Variants in PTK2B observed in about 807,000 individuals in gnomAD.
The protein encoded by PTK2B is protein-tyrosine kinase 2-beta.
Under a neutral mutation model 142.9 loss-of-function variants are expected in PTK2B, and 71 were observed. The observed-to-expected ratio is 0.50, with a 90% CI of 0.41 to 0.61. The LOEUF (loss-of-function observed/expected upper bound fraction) is 0.61. Among genes scored for constraint, PTK2B ranks in the 20% least tolerant of loss-of-function variants. PTK2B has a pLI of 0.00. For synonymous variants in PTK2B, 519 were observed against 503.4 expected, an observed-to-expected ratio of 1.03 and a Z score of -0.42; for missense variants, 1,105 against 1,320.4, an observed-to-expected ratio of 0.84 and a Z score of 2.53.
At chr8:27,451,111 C>A (rs759534400) in intron 26 of PTK2B, 33 bp downstream of exon 26, 1 of 1,604,334 alleles carries the variant, frequency 6.2e-7, no homozygotes, top group East Asian at 2.2e-5. Flanking sequence ...CTCCTCCATG[C>A]CAAGGCCTGG....
At chr8:27,322,776 A>G (rs914653425), upstream of PTK2B, 2 of 152,160 alleles carry the variant, frequency 1.3e-5, no homozygotes, top group Non-Finnish European at 2.9e-5. Context: ...ACTGGCTATC[A>G]TCCTAAATGA....
intron 2 of PTK2B, among the ~76,000 whole-genome samples, chr8:27,400,040 C>A (rs1353574244): frequency 6.6e-6 from 1 of 152,142 alleles, no homozygotes; most frequent in Admixed American, 6.5e-5. Flanking sequence ...CCTCTAATTG[C>A]CCAGAGAATA....
At chr8:27,419,398 G>A (rs567722723) in intron 2 of PTK2B, among the ~76,000 whole-genome samples, 1 of 152,162 alleles carries the variant, frequency 6.6e-6, no homozygotes, top group Admixed American at 6.5e-5. Context: ...TCCATTCCGT[G>A]GGTTGTGGGA....
intron 2 of PTK2B, among the ~76,000 whole-genome samples, chr8:27,408,710 C>G (rs1449956710): frequency 6.6e-6 from 1 of 152,206 alleles, no homozygotes; most frequent in African/African-American, 2.4e-5. Context: ...TTAAAATTCT[C>G]ATAACCGTAT....
At position 27,458,679 on chromosome 8, in the gene PTK2B, A is replaced by C; in HGVS notation, c.*170A>C. On this transcript the variant is annotated 3_prime_UTR_variant, in exon 31 of 31. Coordinates refer to ENST00000346049, the MANE Select transcript of PTK2B (RefSeq NM_173176.3). ...ACCCCTACCCCTGGCTGTACTGCTC[A>C]GGCTGCAGCTGGACAGAGGGGACTC... 1.5e-6 allele frequency: 1 copy of C among 668,296 alleles called. No individual in the cohort carries two copies. 41.4% of individuals were successfully genotyped at this position (668,296 alleles called of 1,614,324 possible).
intron 1 of PTK2B, among the ~76,000 whole-genome samples, chr8:27,370,059 T>C (rs559153819): frequency 6.6e-6 from 1 of 152,314 alleles, no homozygotes; most frequent in South Asian, 2.1e-4. Context: ...AGGTCTCCAT[T>C]GAAGATGTGT....
At chr8:27,341,275 G>A (rs750326643) in intron 1 of PTK2B, among the ~76,000 whole-genome samples, 12 of 152,186 alleles carry the variant, frequency 7.9e-5, no homozygotes, top group Admixed American at 1.3e-4. Context: ...AAGGAAAGGC[G>A]GGCCCCCGTC....
chr8:27,439,510 G>C, intron 20 of PTK2B, 112 bp downstream of exon 20: 1 of 1,210,240 alleles, frequency 8.3e-7, no homozygotes, highest in Non-Finnish European at 1.2e-6. Context: ...CCGTTCCCAG[G>C]GTTCTATTTT....
intron 1 of PTK2B, among the ~76,000 whole-genome samples, chr8:27,328,362 G>A (rs988853917): frequency 2.4e-4 from 37 of 152,232 alleles, no homozygotes; most frequent in Non-Finnish European, 8.8e-5. Context: ...TTATGAACTG[G>A]ATTTTGACTT....
At position 27,458,489 on chromosome 8, in the gene PTK2B, G is replaced by A. The variant is rs1375815512; in HGVS notation, c.3010G>A (p.Ala1004Thr). 8.2e-6 allele frequency: 13 copies of A among 1,581,402 alleles called. No individual in the cohort carries two copies. Among genetic ancestry groups the A allele is most frequent in the African/African-American group, 1.3e-5 (1 of 74,222 alleles). Residue 1004 changes from alanine (A) to threonine (T), a missense_variant, in exon 31 of 31, where the codon GCC (alanine) becomes ACC (threonine). Coordinates refer to ENST00000346049, the MANE Select transcript of PTK2B (RefSeq NM_173176.3). ...VDQAKVLANL[A>T]HPPAE is the part of the protein sequence containing the mutation. ...CCAGGCCAAGGTTCTGGCCAATCTG[G>A]CCCACCCACCTGCAGAGTGACGGAG... is the stretch of plus-strand genomic sequence containing the variant.
intron 3 of PTK2B, chr8:27,313,304 T>C (rs1239620002): frequency 6.6e-6 from 1 of 152,322 alleles, no homozygotes; most frequent in Non-Finnish European, 1.5e-5. Flanking sequence ...CAATTAAACC[T>C]CTTTCCTTTA....
At chr8:27,315,435 A>G (rs1486986795) in intron 3 of PTK2B, among the ~76,000 whole-genome samples, 1 of 152,092 alleles carries the variant, frequency 6.6e-6, no homozygotes, top group Non-Finnish European at 1.5e-5. Context: ...ATATCCAAAA[A>G]AGCCACAAGA....
intron 16 of PTK2B, 31 bp downstream of exon 16, chr8:27,437,237 A>C: frequency 6.3e-7 from 1 of 1,591,606 alleles, no homozygotes; most frequent in Middle Eastern, 1.7e-4. Context: ...CCAGGCCTCC[A>C]AGATGGGAGG....
At position 27,379,691 on chromosome 8, in the gene PTK2B, G is replaced by GCA. The variant is rs1563234659; in HGVS notation, c.-37-17856_-37-17855dup. On this transcript the variant is annotated intron_variant, in intron 1 of 30. Transcript: ENST00000346049. ...CCTCATTACTTACCTTTTAGCACAT[G>GCA]CAAGTTAATTTACGAGTGAGTCTCT... Among the ~76,000 whole-genome samples the GCA allele has an allele frequency of 6.6e-5, 10 of 152,224 alleles. No individual in the cohort carries two copies. The East Asian group carries it at 1.7e-3, about 26-fold the overall frequency.
intron 2 of PTK2B, among the ~76,000 whole-genome samples, chr8:27,400,836 CAA>C (rs1370635247): frequency 1.3e-5 from 2 of 152,152 alleles, no homozygotes; most frequent in African/African-American, 4.8e-5. Context: ...AATCTAGAGA[CAA>C]GATTCGGGTG....
intron 1 of PTK2B, among the ~76,000 whole-genome samples, chr8:27,334,393 C>G: frequency 6.6e-6 from 1 of 152,188 alleles, no homozygotes; most frequent in East Asian, 1.9e-4. Context: ...TGGCAAGCCT[C>G]TGCTCAAGTC....
intron 1 of PTK2B, among the ~76,000 whole-genome samples, chr8:27,329,001 G>A (rs983451909): frequency 1.1e-4 from 17 of 151,458 alleles, no homozygotes; most frequent in Admixed American, 3.3e-4. Flanking sequence ...GCAGTGGCGC[G>A]ATCTCAGCTC....
chr8:27,370,802 G>C (rs111524258), intron 1 of PTK2B, among the ~76,000 whole-genome samples: 232 of 152,310 alleles, frequency 1.5e-3, no homozygotes, highest in Non-Finnish European at 2.7e-3. Flanking sequence ...GCAACTCTAT[G>C]ATGAAAAGAG....
chr8:27,323,624 T>A (rs1803274375), upstream of PTK2B, among the ~76,000 whole-genome samples: 3 of 152,134 alleles, frequency 2.0e-5, no homozygotes, highest in South Asian at 6.2e-4. Context: ...CCTGAGGCAT[T>A]TCTGATGGGT....
Sources: allele counts gnomAD v4.1 joint callset (sites outside exome capture counted in the v4.1 genomes callset), GRCh38; gene constraint gnomAD v4.1.1; transcripts MANE v1.5; gene names NCBI Gene and HGNC (gene_info 2026-07-23, HGNC 2026-07-21).